Variants in ADARB2 observed in about 807,000 individuals in gnomAD.
The protein encoded by ADARB2 is inactive double-stranded RNA-specific editase B2.
ADARB2 carries 25 observed loss-of-function variants against 62.2 expected under a neutral mutation model. The ratio of observed to expected loss-of-function variants is 0.40; its 90% CI spans 0.29 to 0.56. The LOEUF (loss-of-function observed/expected upper bound fraction) is 0.56. ADARB2 is among the 20% of genes least tolerant of loss of function. The pLI is 0.43. For synonymous variants in ADARB2, 572 were observed against 500.8 expected, an observed-to-expected ratio of 1.14 and a Z score of -1.90; for missense variants, 1,071 against 1,077.4, an observed-to-expected ratio of 0.99 and a Z score of 0.08.
intron 1 of ADARB2, among the ~76,000 whole-genome samples, chr10:1,705,405 G>A (rs139687610): frequency 9.5e-4 from 144 of 152,308 alleles, no homozygotes; most frequent in African/African-American, 3.2e-3. Flanking sequence ...CGGAGAGGAC[G>A]GACTGGGTCA....
chr10:1,594,966 C>T (rs148301724), intron 1 of ADARB2, among the ~76,000 whole-genome samples: 14 of 152,288 alleles, frequency 9.2e-5, no homozygotes, highest in Middle Eastern at 3.4e-3. Context: ...TGCTGGGGAC[C>T]AGGGCTGTGC....
At chr10:1,277,204 C>A (rs1022056937) in intron 3 of ADARB2, among the ~76,000 whole-genome samples, 28 of 152,126 alleles carry the variant, frequency 1.8e-4, no homozygotes, top group African/African-American at 6.3e-4. Context: ...GAACTAGAGA[C>A]ACAAGAGCAA....
At chr10:1,306,401 A>G (rs1371914143) in intron 3 of ADARB2, among the ~76,000 whole-genome samples, 1 of 151,848 alleles carries the variant, frequency 6.6e-6, no homozygotes, top group Non-Finnish European at 1.5e-5. Context: ...TGCTCAAGGA[A>G]ATGAAAGAGG....
At chr10:1,691,937 C>A (rs1372797199) in intron 1 of ADARB2, among the ~76,000 whole-genome samples, 3 of 152,112 alleles carry the variant, frequency 2.0e-5, no homozygotes, top group African/African-American at 7.2e-5. Context: ...ATGCATGTAT[C>A]TACTACTGGA....
chr10:1,229,886 AAGGG>A (rs1394020368), intron 6 of ADARB2, among the ~76,000 whole-genome samples: 1 of 151,650 alleles, frequency 6.6e-6, no homozygotes, highest in Admixed American at 6.6e-5. Context: ...ATGTGTGAGA[AAGGG>A]AGAAGTCTGG....
intron 1 of ADARB2, among the ~76,000 whole-genome samples, chr10:1,560,731 C>T (rs551253442): frequency 1.3e-3 from 192 of 152,180 alleles, no homozygotes; most frequent in African/African-American, 4.3e-3. Flanking sequence ...GGTCAGGAGC[C>T]GAGGATGTCG....
At chr10:1,266,009 C>T (rs1299562036) in intron 4 of ADARB2, among the ~76,000 whole-genome samples, 17 of 129,208 alleles carry the variant, frequency 1.3e-4, no homozygotes, top group African/African-American at 4.9e-4. Context: ...CCCCGGAAGA[C>T]GGCCTGAGAG....
intron 1 of ADARB2, among the ~76,000 whole-genome samples, chr10:1,528,396 T>A (rs17221774): frequency 0.017 from 2,555 of 152,292 alleles, 33 homozygotes; most frequent in Non-Finnish European, 0.024. Flanking sequence ...ACAGTGCACG[T>A]GAATCTATGA....
chr10:1,564,145 C>G (rs1337951682), intron 1 of ADARB2, among the ~76,000 whole-genome samples: 1 of 152,186 alleles, frequency 6.6e-6, no homozygotes, highest in East Asian at 1.9e-4. Context: ...GGTATATACC[C>G]AGTAATAGGA....
Position 1,462,604 on chromosome 10 carries a change from TGTGTATGTGCCTGTGTGTATGTACATGA to T in ADARB2, c.101-83472_101-83445del, listed in dbSNP as rs1173050363. Among the ~76,000 whole-genome samples, 1,427 of 151,738 alleles carry T rather than the reference TGTGTATGTGCCTGTGTGTATGTACATGA, an allele frequency of 9.4e-3. 22 individuals are homozygous for T. The highest frequency in any genetic ancestry group is 0.03 in the African/African-American group (1,249 of 41,240). On this transcript the variant is annotated intron_variant, in intron 1 of 9. Coordinates refer to ENST00000381312, the MANE Select transcript of ADARB2 (RefSeq NM_018702.4). ...GTATGTACATGAGTGTATGTGCATG[TGTGTATGTGCCTGTGTGTATGTACATGA>T]GTGTATGTGCCTGTGTGTATGTACA...
intron 8 of ADARB2, among the ~76,000 whole-genome samples, chr10:1,194,360 G>T (rs1460415744): frequency 6.6e-6 from 1 of 152,200 alleles, no homozygotes; most frequent in Admixed American, 6.5e-5. Context: ...GACTCTAGAC[G>T]TGCCACTGCC....
chr10:1,224,115 A>G lies in ADARB2; in HGVS notation c.1514-6996T>C, dbSNP rs189473817. Among the ~76,000 whole-genome samples, 231 of 152,214 alleles carry G rather than the reference A, an allele frequency of 1.5e-3. 1 individual carries two copies. Among genetic ancestry groups the G allele is most frequent in the African/African-American group, 4.6e-3 (190 of 41,522 alleles). ...CTCAATTTCAGAGCCTGTTATTGGT[A>G]TATTCAGAGATTCAGCTTCTTCCTT... On this transcript the variant is annotated intron_variant, in intron 6 of 9. Coordinates refer to ENST00000381312, the MANE Select transcript of ADARB2 (RefSeq NM_018702.4).
chr10:1,709,259 A>G (rs1003699283), intron 1 of ADARB2, among the ~76,000 whole-genome samples: 1 of 152,232 alleles, frequency 6.6e-6, no homozygotes, highest in Non-Finnish European at 1.5e-5. Flanking sequence ...TACACAGCTA[A>G]TTAATAACAC....
chr10:1,513,788 T>G (rs1411359658), intron 1 of ADARB2, among the ~76,000 whole-genome samples: 1 of 152,174 alleles, frequency 6.6e-6, no homozygotes. Context: ...TCATGCTGGC[T>G]TGAAGTGATA....
At chr10:1,285,747 G>T (rs1052671872) in intron 3 of ADARB2, among the ~76,000 whole-genome samples, 10 of 152,294 alleles carry the variant, frequency 6.6e-5, no homozygotes, top group Non-Finnish European at 1.5e-4. Context: ...CTTTAAATGG[G>T]AACATTGCAA....
chr10:1,183,998 TG>T (rs1429097558), intron 9 of ADARB2, among the ~76,000 whole-genome samples: 3 of 152,202 alleles, frequency 2.0e-5, no homozygotes, highest in Non-Finnish European at 2.9e-5. Flanking sequence ...GACGCTTCCC[TG>T]ACCTTCCAAG....
At position 1,271,040 on chromosome 10, in the gene ADARB2, G is replaced by T; in HGVS notation, c.1107C>A (p.Val369=). ...TCGTCACCTCGCGGAACTTCTGTGTGACCAGCTGGGATATGGAGTCTGCGA... is the reference window on the plus strand; with the variant it reads ...TCGTCACCTCGCGGAACTTCTGTGTTACCAGCTGGGATATGGAGTCTGCGA... ...QEFADSISQL[V]TQKFREVTTD... The change falls in exon 4 of 10, where the codon GTC becomes GTA. Residue 369 remains valine, a synonymous_variant. Transcript: ENST00000381312. The T allele has an allele frequency of 6.2e-7, 1 of 1,614,082 alleles. No individual in the cohort carries two copies. Among genetic ancestry groups the T allele is most frequent in the South Asian group, 1.1e-5 (1 of 91,020 alleles).
intron 1 of ADARB2, among the ~76,000 whole-genome samples, chr10:1,459,357 A>G (rs1191106184): frequency 1.3e-5 from 2 of 152,250 alleles, no homozygotes; most frequent in Non-Finnish European, 2.9e-5. Flanking sequence ...AACAAAACTG[A>G]GATCATGTCC....
intron 1 of ADARB2, among the ~76,000 whole-genome samples, chr10:1,495,119 G>A (rs1315368194): frequency 6.6e-6 from 1 of 152,120 alleles, no homozygotes; most frequent in Non-Finnish European, 1.5e-5. Context: ...ACATGATTTA[G>A]CTGATTGGAA....
Sources: gnomAD v4.1 joint callset for allele counts (sites outside exome capture counted in the v4.1 genomes callset) on GRCh38, gnomAD v4.1.1 for gene constraint, MANE v1.5 for transcripts, NCBI Gene and HGNC (gene_info 2026-07-23, HGNC 2026-07-21) for gene names.